NRAS: variants seen among roughly 807,000 people sequenced by gnomAD.
The protein encoded by NRAS is GTPase NRas.
In NRAS, 6 loss-of-function variants were observed where a neutral mutation model predicts 21.3. That is an observed-to-expected ratio of 0.28 (90% CI 0.15 to 0.56). NRAS has a LOEUF of 0.56. Ranked by LOEUF, NRAS falls within the 20% of genes least tolerant of loss-of-function variation. The probability of loss-of-function intolerance (pLI) is 0.93; values close to 1 mark genes in which losing one functional copy is unlikely to be tolerated. For synonymous variants in NRAS, 84 were observed against 82.0 expected, an observed-to-expected ratio of 1.02 and a Z score of -0.13; for missense variants, 143 against 231.3, an observed-to-expected ratio of 0.62 and a Z score of 2.48.
rs750915076 is a variant in NRAS, at chr1:114,708,528, C to T, written c.*4+3G>A. 30 of 1,613,606 alleles carry T rather than the reference C, an allele frequency of 1.9e-5. No individual in the cohort carries two copies. Among genetic ancestry groups the T allele is most frequent in the Non-Finnish European group, 2.4e-5 (28 of 1,179,638 alleles). ...TAATTATGCCAAGAAACCATATGCT[C>T]ACCTTGTTACATCACCACACATGGC... On this transcript the variant is annotated splice_donor_region_variant and intron_variant, in intron 5 of 6. Transcript: ENST00000369535.
At chr1:114,710,240 TATTATATA>T in intron 3 of NRAS, among the ~76,000 whole-genome samples, 1 of 12,464 alleles carries the variant, frequency 8.0e-5, no homozygotes, top group African/African-American at 1.4e-3. Context: ...AATAAATATA[TATTATATA>T]TATTATATAT....
chr1:114,708,803 AAGGAAGAG>A, intron 4 of NRAS, 149 bp from the exon 5 acceptor site: 2 of 729,010 alleles, frequency 2.7e-6, no homozygotes, highest in African/African-American at 1.8e-5. Flanking sequence ...ATGGTGATTT[AAGGAAGAG>A]AACACTAAAT....
At chr1:114,714,218 T>C (rs1282413531) in intron 2 of NRAS, among the ~76,000 whole-genome samples, 1 of 152,202 alleles carries the variant, frequency 6.6e-6, no homozygotes, top group African/African-American at 2.4e-5. Flanking sequence ...AGAAATATGG[T>C]CACTGTGTTC....
intron 3 of NRAS, among the ~76,000 whole-genome samples, chr1:114,710,481 C>T (rs891281708): frequency 5.4e-5 from 8 of 149,168 alleles, no homozygotes; most frequent in African/African-American, 2.0e-4. Flanking sequence ...TGTTCCACTG[C>T]ACTCCAGCCT....
At position 114,705,228 on chromosome 1, in the gene NRAS, T is replaced by A. The variant is rs533067061; in HGVS notation, c.*2866A>T. Reference sequence around the variant, plus strand: ...TTAAAGGATGGTGAAAGACTAAACATGGGCCCACTAAAATAGAGATTAATT... The same window carrying A: ...TTAAAGGATGGTGAAAGACTAAACAAGGGCCCACTAAAATAGAGATTAATT... On this transcript the variant is annotated 3_prime_UTR_variant, in exon 7 of 7. Transcript: ENST00000369535. 1 of 152,348 alleles carries A rather than the reference T, an allele frequency of 6.6e-6. No homozygotes were observed. The highest frequency in any genetic ancestry group is 6.5e-5 in the Admixed American group (1 of 15,300). 9.4% of individuals were successfully genotyped at this position (152,348 alleles called of 1,614,324 possible). A position where few individuals can be genotyped will look rare whatever the true frequency, so the allele number is the denominator to read the frequency against.
At chr1:114,716,029 C>T (rs1278890226) in intron 2 of NRAS, 21 bp downstream of exon 2, 1 of 1,363,946 alleles carries the variant, frequency 7.3e-7, no homozygotes, top group Non-Finnish European at 1.1e-6. Flanking sequence ...ATCAGGTCAG[C>T]GGGCTACCAC....
At chr1:114,711,091 C>T (rs1386345415) in intron 3 of NRAS, among the ~76,000 whole-genome samples, 1 of 151,872 alleles carries the variant, frequency 6.6e-6, no homozygotes, top group Non-Finnish European at 1.5e-5. Context: ...GATCACTTGA[C>T]CTAGGAGTCC....
At chr1:114,709,534 A>G in intron 4 of NRAS, 35 bp downstream of exon 4, 3 of 1,574,526 alleles carry the variant, frequency 1.9e-6, no homozygotes, top group Non-Finnish European at 2.6e-6. Flanking sequence ...CAACTGATGC[A>G]AACTCTTGCA....
intron 3 of NRAS, 39 bp downstream of exon 3, chr1:114,713,761 C>CA (rs1363275011): frequency 2.6e-6 from 4 of 1,544,734 alleles, no homozygotes; most frequent in Non-Finnish European, 3.6e-6. Flanking sequence ...ATTCAGAACA[C>CA]AAAGATCATC....
In NRAS at chr1:114,708,505, A is replaced by C. The variant is rs776696986; in HGVS notation, c.*4+26T>G. On this transcript the variant is annotated intron_variant, in intron 5 of 6. Transcript: ENST00000369535. ...CCAATACTATATACTAAGATTTGTA[A>C]TTATGCCAAGAAACCATATGCTCAC... The C allele has an allele frequency of 3.7e-6, 6 of 1,611,200 alleles. No homozygotes were observed. The South Asian group carries it at 6.6e-5, about 18-fold the overall frequency.
In NRAS at chr1:114,710,321, T is replaced by C. The variant is rs1163984132; in HGVS notation, c.291-593A>G. Among the ~76,000 whole-genome samples the C allele has an allele frequency of 2.1e-5, 3 of 143,122 alleles. No homozygotes were observed. The East Asian group carries it at 5.9e-4, about 28-fold the overall frequency. The allele number at this position is 143,122 out of a possible 152,430, so 93.9% of individuals were successfully genotyped here. Reference sequence around the variant, plus strand: ...TATATAATTTACACATATAAATATATATTTATATATATTTATAAATAAAAA... The same window carrying C: ...TATATAATTTACACATATAAATATACATTTATATATATTTATAAATAAAAA... On this transcript the variant is annotated intron_variant, in intron 3 of 6. Transcript: ENST00000369535.
chr1:114,715,927 G>C (rs1250454076), intron 2 of NRAS, 123 bp downstream of exon 2: 2 of 729,540 alleles, frequency 2.7e-6, no homozygotes, highest in African/African-American at 3.5e-5. Context: ...TTGCATAACT[G>C]AATGTATACC....
Position 114,713,919 on chromosome 1 carries a change from A to T in NRAS, c.171T>A (p.Asp57Glu), listed in dbSNP as rs2101742062. ...DGETCLLDILDTAGQEEYSAM... is the reference protein window; with the variant it reads ...DGETCLLDILETAGQEEYSAM... ...CACTGTACTCTTCTTGTCCAGCTGT[A>T]TCCAGTATGTCCAACAAACAGGTTT... Residue 57 changes from aspartate to glutamate, a missense_variant, in exon 3 of 7, where the codon GAT becomes GAA. Coordinates refer to ENST00000369535, the MANE Select transcript of NRAS (RefSeq NM_002524.5). 1 of 1,610,972 alleles carries T rather than the reference A, an allele frequency of 6.2e-7. No individual in the cohort carries two copies. Among genetic ancestry groups the T allele is most frequent in the Non-Finnish European group, 8.5e-7 (1 of 1,177,588 alleles).
At chr1:114,716,557 C>CT (rs1659176235) in intron 1 of NRAS, 101 bp downstream of exon 1, 4 of 347,978 alleles carry the variant, frequency 1.1e-5, no homozygotes, top group South Asian at 9.6e-5. Flanking sequence ...CGCCCAAGGC[C>CT]TTTGTCTCCA....
At chr1:114,712,670 T>C (rs1471194165) in intron 3 of NRAS, among the ~76,000 whole-genome samples, 2 of 152,198 alleles carry the variant, frequency 1.3e-5, no homozygotes, top group Non-Finnish European at 2.9e-5. Flanking sequence ...TTCACATGGA[T>C]AGAAAATAAG....
Position 114,704,573 on chromosome 1 carries a change from A to G in NRAS, c.*3521T>C, listed in dbSNP as rs1171141480. 1.3e-5 allele frequency: 2 copies of G among 152,256 alleles called. No individual in the cohort carries two copies. Among genetic ancestry groups the G allele is most frequent in the African/African-American group, 4.8e-5 (2 of 41,474 alleles). 9.4% of individuals were successfully genotyped at this position (152,256 alleles called of 1,614,324 possible). A position where few individuals can be genotyped will look rare whatever the true frequency, so the allele number is the denominator to read the frequency against. ...GAACTAGGTTGGATTAATTTACAAT[A>G]AAATAATCAACTTAAAATATCGGCC... On this transcript the variant is annotated 3_prime_UTR_variant, in exon 7 of 7. Transcript: ENST00000369535.
chr1:114,715,963 T>C, intron 2 of NRAS, 87 bp downstream of exon 2: 1 of 872,670 alleles, frequency 1.1e-6, no homozygotes, highest in Non-Finnish European at 2.0e-6. Context: ...CTTTCTCTCC[T>C]CTTATTCCTT....
chr1:114,715,419 C>T (rs1321323980), intron 2 of NRAS, among the ~76,000 whole-genome samples: 1 of 152,184 alleles, frequency 6.6e-6, no homozygotes, highest in African/African-American at 2.4e-5. Context: ...AGTACTATTA[C>T]ATAGTGCTTT....
At chr1:114,710,251 T>C (rs1010371454) in intron 3 of NRAS, among the ~76,000 whole-genome samples, 1 of 64,524 alleles carries the variant, frequency 1.5e-5, no homozygotes, top group Non-Finnish European at 2.5e-5. Context: ...ATTATATATA[T>C]TATATATAAA....
Sources: gnomAD v4.1 joint callset for allele counts (sites outside exome capture counted in the v4.1 genomes callset) on GRCh38, gnomAD v4.1.1 for gene constraint, MANE v1.5 for transcripts, NCBI Gene and HGNC (gene_info 2026-07-23, HGNC 2026-07-21) for gene names.